Variants in AMZ1 observed in about 807,000 individuals in gnomAD.
AMZ1 encodes archaelysin family metallopeptidase 1.
Under a neutral mutation model 29.9 loss-of-function variants are expected in AMZ1, and 39 were observed. That is an observed-to-expected ratio of 1.30 (90% CI 1.01 to 1.70). The LOEUF (loss-of-function observed/expected upper bound fraction) is 1.70. AMZ1 is among the 40% of genes most tolerant of loss of function. The pLI, the probability that AMZ1 is intolerant of heterozygous loss-of-function variation, is 0.00. For synonymous variants in AMZ1, 458 were observed against 304.0 expected (o/e 1.51, Z -5.27); for missense variants, 1,041 against 680.6 (o/e 1.53, Z -5.89).
upstream of AMZ1, chr7:2,760,521 C>A (rs1272309957): frequency 6.6e-6 from 1 of 152,368 alleles, no homozygotes; most frequent in Non-Finnish European, 1.5e-5. Flanking sequence ...CTGGGCAGAG[C>A]CTATTCTTCA....
At chr7:2,740,173 G>C (rs1368552485) in intron 4 of AMZ1, among the ~76,000 whole-genome samples, 1 of 151,988 alleles carries the variant, frequency 6.6e-6, no homozygotes, top group Non-Finnish European at 1.5e-5. Context: ...GATCTTTTCT[G>C]GGTTTTCTGG....
intron 4 of AMZ1, among the ~76,000 whole-genome samples, chr7:2,756,343 C>T (rs1791293573): frequency 6.6e-6 from 1 of 152,162 alleles, no homozygotes; most frequent in Non-Finnish European, 1.5e-5. Flanking sequence ...AACTGGATCA[C>T]TAAAACTAGA....
At chr7:2,722,867 A>G (rs1789479196), downstream of AMZ1, among the ~76,000 whole-genome samples, 1 of 152,128 alleles carries the variant, frequency 6.6e-6, no homozygotes, top group Admixed American at 6.5e-5. Flanking sequence ...GGTCCCAGCT[A>G]CTTGGAAGGC....
chr7:2,738,975 C>A (rs926292563), intron 4 of AMZ1, among the ~76,000 whole-genome samples: 3 of 152,158 alleles, frequency 2.0e-5, no homozygotes, highest in African/African-American at 7.2e-5. Context: ...TGGCACACAG[C>A]CACCCCTTGG....
rs926073899 is a variant in AMZ1, at chr7:2,715,763, C to T, written c.*2885C>T. On this transcript the variant is annotated 3_prime_UTR_variant, in exon 7 of 7. Coordinates refer to ENST00000683327, the MANE Select transcript of AMZ1 (RefSeq NM_001384743.1). ...GGTGAAGAGTGACTTGGGACAGTCA[C>T]CAGGAAAGACGCAAGGCAGAGGAGA... 6.6e-6 allele frequency: 1 copy of T among 152,166 alleles called. No homozygotes were observed. The highest frequency in any genetic ancestry group is 1.5e-5 in the Non-Finnish European group (1 of 68,040). 9.4% of individuals were successfully genotyped at this position (152,166 alleles called of 1,614,324 possible).
rs776810052 is a variant in AMZ1, at chr7:2,715,959, C to A, written c.*3081C>A. ...TGCAAAGTCCACTGAATTGCTTTCT[C>A]GTCTCATCTGTCAGAAGCCCCTGCA... On this transcript the variant is annotated 3_prime_UTR_variant, in exon 7 of 7. Transcript: ENST00000683327. 6.6e-6 allele frequency: 1 copy of A among 151,696 alleles called. No individual in the cohort carries two copies. Among genetic ancestry groups the A allele is most frequent in the Non-Finnish European group, 1.5e-5 (1 of 67,844 alleles). The allele number at this position is 151,696 out of a possible 1,614,324, so 9.4% of individuals were successfully genotyped here.
Position 2,700,428 on chromosome 7 carries a change from G to A in AMZ1, c.-24G>A, listed in dbSNP as rs753195779. ...TGGACAGCAGCAGGGGCTCCCAGGA[G>A]TGGCCAGGCCCTGCCCGCCCACCAT... On this transcript the variant is annotated 5_prime_UTR_variant, in exon 2 of 7. The change creates a new upstream start codon in the 5' untranslated region. Transcript: ENST00000683327. 1.3e-6 allele frequency: 2 copies of A among 1,586,020 alleles called. No individual in the cohort carries two copies. Among genetic ancestry groups the A allele is most frequent in the Admixed American group, 3.4e-5 (2 of 59,508 alleles).
intron 4 of AMZ1, among the ~76,000 whole-genome samples, chr7:2,744,864 T>C (rs1583225552): frequency 6.6e-6 from 1 of 152,020 alleles, no homozygotes; most frequent in South Asian, 2.1e-4. Context: ...GAGAACTACC[T>C]GAGGAATGCA....
At position 2,739,792 on chromosome 7, in the gene AMZ1, C is replaced by A. The variant is rs568817158; in HGVS notation, n.551-24920C>A. 5.9e-5 allele frequency among the ~76,000 whole-genome samples: 9 copies of A among 152,256 alleles called. No individual in the cohort carries two copies. In the South Asian group the frequency reaches 1.9e-3, roughly 32 times the overall value. ...GGTTCAAGCAGTTCTCTTGCCTCAGCCTCCCAAGTAGCTGGATTACAGGCG... is the reference window on the plus strand; with the variant it reads ...GGTTCAAGCAGTTCTCTTGCCTCAGACTCCCAAGTAGCTGGATTACAGGCG... On this transcript the variant is annotated intron_variant and non_coding_transcript_variant, in intron 4 of 4. Transcript: ENST00000489665.
Position 2,712,368 on chromosome 7 carries a change from G to A in AMZ1, c.987G>A (p.Trp329Ter). 1 of 1,603,910 alleles carries A rather than the reference G, an allele frequency of 6.2e-7. No individual in the cohort carries two copies. Among genetic ancestry groups the A allele is most frequent in the East Asian group, 2.2e-5 (1 of 44,828 alleles). ...YTWTQAVVGT[W>*]PSQEAGEPSV... ...GGACTCAGGCGGTGGTGGGGACGTG[G>A]CCCAGCCAGGAGGCGGGGGAGCCGT... is the stretch of plus-strand genomic sequence containing the variant. Residue 329 changes from tryptophan to a stop codon, truncating the protein, a stop_gained, in exon 7 of 7, where the codon TGG becomes TGA. Coordinates refer to ENST00000683327, the MANE Select transcript of AMZ1 (RefSeq NM_001384743.1). LOFTEE classifies it low-confidence loss of function (END_TRUNC).
chr7:2,735,640 G>A (rs546741055), intron 4 of AMZ1, among the ~76,000 whole-genome samples: 2 of 152,320 alleles, frequency 1.3e-5, no homozygotes, highest in Admixed American at 1.3e-4. Flanking sequence ...ACTCACTGCT[G>A]CTTTCTCCAC....
chr7:2,721,281 C>G (rs563040392), downstream of AMZ1, among the ~76,000 whole-genome samples: 1 of 152,348 alleles, frequency 6.6e-6, no homozygotes, highest in East Asian at 1.9e-4. Flanking sequence ...ACCTCACTCT[C>G]CTGCCGCGCA....
intron 4 of AMZ1, among the ~76,000 whole-genome samples, chr7:2,733,717 G>T (rs1423121311): frequency 7.2e-5 from 11 of 152,196 alleles, no homozygotes; most frequent in Non-Finnish European, 1.6e-4. Flanking sequence ...CAACCCCAAG[G>T]TTCAAATTCT....
rs112206528 is a variant in AMZ1, at chr7:2,743,402, CA to C, written n.551-21309del. On this transcript the variant is annotated intron_variant and non_coding_transcript_variant, in intron 4 of 4. Transcript: ENST00000489665. ...TCAAAATATGGAAGATATTCATCATCAGGGGCAAAAACAATCAGAAGTTATC... is the reference window on the plus strand; with the variant it reads ...TCAAAATATGGAAGATATTCATCATCGGGGCAAAAACAATCAGAAGTTATC... Among the ~76,000 whole-genome samples, 1,050 of 152,254 alleles carry C rather than the reference CA, an allele frequency of 6.9e-3. 14 individuals carry two copies. The highest frequency in any genetic ancestry group is 0.024 in the African/African-American group (979 of 41,546).
At chr7:2,712,182 C>A in intron 6 of AMZ1, 148 bp from the exon 7 acceptor site, 2 of 812,212 alleles carry the variant, frequency 2.5e-6, no homozygotes, top group Non-Finnish European at 3.7e-6. Flanking sequence ...GGGTGCTGGT[C>A]ACAAGAGCCC....
intron 4 of AMZ1, among the ~76,000 whole-genome samples, chr7:2,749,834 G>A (rs936614558): frequency 6.6e-6 from 1 of 152,038 alleles, no homozygotes; most frequent in African/African-American, 2.4e-5. Context: ...ACTGAAATTA[G>A]ATTAATAGAG....
chr7:2,692,139 C>T (rs980069500), intron 1 of AMZ1, among the ~76,000 whole-genome samples: 4 of 152,174 alleles, frequency 2.6e-5, no homozygotes, highest in Admixed American at 2.6e-4. Flanking sequence ...GTCGGGTGCT[C>T]CGAGGCCGGC....
intron 1 of AMZ1, among the ~76,000 whole-genome samples, chr7:2,698,942 C>G (rs766096155): frequency 1.3e-5 from 2 of 152,132 alleles, no homozygotes; most frequent in African/African-American, 4.8e-5. Context: ...TGCAACTTGA[C>G]GGTCGCAGAC....
At chr7:2,746,325 C>T (rs2115346591) in intron 4 of AMZ1, among the ~76,000 whole-genome samples, 1 of 152,240 alleles carries the variant, frequency 6.6e-6, no homozygotes, top group East Asian at 1.9e-4. Context: ...CAAACTGTCT[C>T]TCAGACCACA....
Sources: allele counts gnomAD v4.1 joint callset (sites outside exome capture counted in the v4.1 genomes callset), GRCh38; gene constraint gnomAD v4.1.1; transcripts MANE v1.5; gene names NCBI Gene and HGNC (gene_info 2026-07-23, HGNC 2026-07-21).